Variants in MAU2 observed in about 807,000 individuals in gnomAD.
MAU2 encodes the protein MAU2 chromatid cohesion factor homolog.
In MAU2, 9 loss-of-function variants were observed where a neutral mutation model predicts 89.1. The ratio of observed to expected loss-of-function variants is 0.10; its 90% CI spans 0.06 to 0.18. The LOEUF is 0.18. Ranked by LOEUF, MAU2 falls within the 10% of genes least tolerant of loss-of-function variation. The pLI is 1.00. For synonymous variants in MAU2, 357 were observed against 343.4 expected (o/e 1.04, Z -0.44); for missense variants, 425 against 803.5 (o/e 0.53, Z 5.69).
intron 13 of MAU2, 64 bp downstream of exon 13, chr19:19,347,430 G>T: frequency 1.5e-6 from 2 of 1,304,832 alleles, no homozygotes; most frequent in Non-Finnish European, 1.1e-6. Flanking sequence ...GGGAACCAGG[G>T]GGTTGTCCTG....
At chr19:19,350,899 CA>C (rs201378778) in intron 16 of MAU2, among the ~76,000 whole-genome samples, 80,882 of 136,554 alleles carry the variant, frequency 0.59, 23,680 homozygotes, top group East Asian at 0.7. Context: ...GACTCCATCT[CA>C]AAAAAAAAAA....
intron 1 of MAU2, among the ~76,000 whole-genome samples, chr19:19,326,389 C>G (rs2061503883): frequency 6.6e-6 from 1 of 151,342 alleles, no homozygotes; most frequent in East Asian, 1.9e-4. Flanking sequence ...CCTGTCTCTA[C>G]CAGAAAAAAA....
rs772756489 is a variant in MAU2, at chr19:19,340,814, C to CTAGG, written c.552-31_552-28dup. The CTAGG allele has an allele frequency of 1.9e-5, 30 of 1,612,324 alleles. No individual in the cohort carries two copies. The African/African-American group carries it at 3.7e-4, about 20-fold the overall frequency. ...TCATCCCAGGAGGCTCCTGGGCCTG[C>CTAGG]TAGGACCTGACCCCTGCCTCTTGTT... On this transcript the variant is annotated intron_variant, in intron 5 of 18. Transcript: ENST00000262815.
intron 1 of MAU2, among the ~76,000 whole-genome samples, chr19:19,327,526 C>A (rs537550549): frequency 6.6e-6 from 1 of 151,874 alleles, no homozygotes; most frequent in African/African-American, 2.4e-5. Flanking sequence ...GGGGTTTCAC[C>A]GTGTTAGCCA....
chr19:19,336,192 G>A lies in MAU2; in HGVS notation c.360+5G>A. ...TCTGAATTGTACTGTCAAGAGGTAAGAACATATTAAGGTTTCTGAAAGCAA... is the reference window on the plus strand; with the variant it reads ...TCTGAATTGTACTGTCAAGAGGTAAAAACATATTAAGGTTTCTGAAAGCAA... On this transcript the variant is annotated splice_donor_5th_base_variant and intron_variant, in intron 3 of 18. Coordinates refer to ENST00000262815, the MANE Select transcript of MAU2 (RefSeq NM_015329.4). 1 of 1,608,530 alleles carries A rather than the reference G, an allele frequency of 6.2e-7. No homozygotes were observed. Among genetic ancestry groups the A allele is most frequent in the Non-Finnish European group, 8.5e-7 (1 of 1,175,288 alleles).
intron 1 of MAU2, chr19:19,321,984 CT>C (rs1356500284): frequency 8.0e-5 from 12 of 150,602 alleles, no homozygotes; most frequent in African/African-American, 3.0e-4. Context: ...TCATTCTGCC[CT>C]TTAGTAAACT....
At chr19:19,337,085 C>A in intron 3 of MAU2, 85 bp from the exon 4 acceptor site, 1 of 1,040,786 alleles carries the variant, frequency 9.6e-7, no homozygotes, top group Non-Finnish European at 1.5e-6. Flanking sequence ...CTTCTGGCAC[C>A]ACAGCTGCTG....
chr19:19,341,326 G>C lies in MAU2; in HGVS notation c.654G>C (p.Trp218Cys). 6.2e-7 allele frequency: 1 copy of C among 1,613,678 alleles called. No individual in the cohort carries two copies. Among genetic ancestry groups the C allele is most frequent in the Non-Finnish European group, 8.5e-7 (1 of 1,180,016 alleles). ...LTLCGQIVENWQGNPIQKESL... is the reference protein window; with the variant it reads ...LTLCGQIVENCQGNPIQKESL... ...TCTGCGGGCAGATCGTGGAGAACTG[G>C]CAGGGGAACCCCATCCAGAAGGAGT... The change falls in exon 7 of 19, where the codon TGG becomes TGC. Residue 218 changes from tryptophan to cysteine, a missense_variant. Coordinates refer to ENST00000262815, the MANE Select transcript of MAU2 (RefSeq NM_015329.4).
At chr19:19,354,043 G>A (rs1376599986) in intron 16 of MAU2, 3 of 411,186 alleles carry the variant, frequency 7.3e-6, no homozygotes, top group East Asian at 9.8e-5. Flanking sequence ...CCCCATTGTG[G>A]GTCTAGGGCT....
rs117130776 is a variant in MAU2, at chr19:19,341,235, C to T, written c.580-17C>T. The T allele has an allele frequency of 3.8e-3, 6,096 of 1,607,302 alleles. 101 individuals carry two copies. Among genetic ancestry groups the T allele is most frequent in the South Asian group, 0.032 (2,895 of 90,774 alleles). On this transcript the variant is annotated splice_polypyrimidine_tract_variant and intron_variant, in intron 6 of 18. Transcript: ENST00000262815. ...CTGCAAGCCCTGTACCCTACACCTG[C>T]GCCTCTCCCTCCCCAGCTGCTGCTG...
chr19:19,340,164 CAAA>C (rs1253222446), intron 5 of MAU2, among the ~76,000 whole-genome samples: 2 of 83,978 alleles, frequency 2.4e-5, no homozygotes, highest in African/African-American at 4.6e-5. Context: ...GACTCCATCT[CAAA>C]AAAAAAAAAA....
At chr19:19,322,312 T>C (rs962733275) in intron 1 of MAU2, among the ~76,000 whole-genome samples, 1 of 152,168 alleles carries the variant, frequency 6.6e-6, no homozygotes, top group African/African-American at 2.4e-5. Flanking sequence ...TAATAAACTT[T>C]CTAGGGCCAG....
intron 1 of MAU2, among the ~76,000 whole-genome samples, chr19:19,322,763 T>C (rs1459895824): frequency 6.6e-6 from 1 of 152,196 alleles, no homozygotes; most frequent in Admixed American, 6.5e-5. Flanking sequence ...ACTCAGATTT[T>C]AAAAACTCAT....
At chr19:19,332,548 A>G (rs1051553962) in intron 1 of MAU2, among the ~76,000 whole-genome samples, 3 of 151,776 alleles carry the variant, frequency 2.0e-5, no homozygotes, top group East Asian at 1.9e-4. Context: ...CTTGAACCCA[A>G]TCCTCTGGCT....
intron 1 of MAU2, among the ~76,000 whole-genome samples, chr19:19,327,651 A>T (rs866518629): frequency 1.3e-5 from 2 of 151,290 alleles, no homozygotes; most frequent in East Asian, 3.9e-4. Context: ...ATGGGGTTTC[A>T]CTATGTTGGC....
intron 14 of MAU2, 63 bp downstream of exon 14, chr19:19,349,001 C>T: frequency 1.9e-6 from 3 of 1,583,382 alleles, no homozygotes; most frequent in Non-Finnish European, 2.6e-6. Context: ...TGGTTGGGGC[C>T]CCTGACTGCC....
chr19:19,326,508 A>C (rs1301042078), intron 1 of MAU2, among the ~76,000 whole-genome samples: 1 of 151,274 alleles, frequency 6.6e-6, no homozygotes, highest in Admixed American at 6.6e-5. Flanking sequence ...AACAAGGTGA[A>C]ACCCTGTCTC....
At chr19:19,329,793 T>TA (rs531975850) in intron 1 of MAU2, among the ~76,000 whole-genome samples, 3,011 of 140,764 alleles carry the variant, frequency 0.021, 91 homozygotes, top group South Asian at 0.11. Flanking sequence ...CCCTGTCTCT[T>TA]AAAAAAAAAA....
At position 19,320,917 on chromosome 19, in the gene MAU2, G is replaced by A. The variant is rs2061446787; in HGVS notation, c.58G>A (p.Glu20Lys). 2 of 1,557,408 alleles carry A rather than the reference G, an allele frequency of 1.3e-6. No individual in the cohort carries two copies. Residue 20 changes from glutamate (E) to lysine (K), a missense_variant, in exon 1 of 19, where the codon GAG becomes AAG. Transcript: ENST00000262815. ...GGCGGCGGCCCAGGCTGCGCAGGCCGAGGCGGCCGACTCGTGGTACCTGGC... is the reference window on the plus strand; with the variant it reads ...GGCGGCGGCCCAGGCTGCGCAGGCCAAGGCGGCCGACTCGTGGTACCTGGC... Reference protein sequence around the residue: ...QAAAAQAAQAEAADSWYLALL... With the variant: ...QAAAAQAAQAKAADSWYLALL...
Sources: gnomAD v4.1 joint callset for allele counts (sites outside exome capture counted in the v4.1 genomes callset) on GRCh38, gnomAD v4.1.1 for gene constraint, MANE v1.5 for transcripts, NCBI Gene and HGNC (gene_info 2026-07-23, HGNC 2026-07-21) for gene names.